UBE2D3: variants seen among roughly 807,000 people sequenced by gnomAD.
UBE2D3 encodes the protein ubiquitin conjugating enzyme E2 D3, also known as ubiquitin-conjugating enzyme E2 D3.
In UBE2D3, 2 loss-of-function variants were observed where a neutral mutation model predicts 22.8. The observed-to-expected ratio is 0.09, with a 90% CI of 0.04 to 0.28. UBE2D3 has a LOEUF of 0.28. Ranked by LOEUF, UBE2D3 falls within the 10% of genes least tolerant of loss-of-function variation. The probability of loss-of-function intolerance (pLI) is 1.00; values close to 1 mark genes in which losing one functional copy is unlikely to be tolerated. For missense variants in UBE2D3, 27 were observed against 182.5 expected (o/e 0.15, Z 4.91); for synonymous variants, 56 against 60.4 (o/e 0.93, Z 0.34).
At chr4:102,852,581 A>G (rs1732415207) in intron 1 of UBE2D3, among the ~76,000 whole-genome samples, 1 of 152,210 alleles carries the variant, frequency 6.6e-6, no homozygotes, top group South Asian at 2.1e-4. Context: ...AACTCATACA[A>G]CTTGAATTCA....
intron 1 of UBE2D3, among the ~76,000 whole-genome samples, chr4:102,842,475 G>A (rs1455484161): frequency 6.6e-6 from 1 of 151,824 alleles, no homozygotes; most frequent in Admixed American, 6.6e-5. Context: ...AGAATCAATT[G>A]AGGCCAGGAG....
intron 1 of UBE2D3, among the ~76,000 whole-genome samples, chr4:102,867,563 A>G (rs1733202793): frequency 1.3e-5 from 2 of 152,190 alleles, no homozygotes; most frequent in African/African-American, 4.8e-5. Context: ...TTACCCTTCA[A>G]ATCTTTTAGA....
upstream of UBE2D3, among the ~76,000 whole-genome samples, chr4:102,829,525 C>T (rs1244749454): frequency 6.6e-6 from 1 of 152,192 alleles, no homozygotes; most frequent in Admixed American, 6.5e-5. Context: ...TGTCCTTTCT[C>T]ACAGGGTGAT....
intron 1 of UBE2D3, among the ~76,000 whole-genome samples, chr4:102,848,460 C>T (rs976192521): frequency 2.0e-5 from 3 of 152,126 alleles, no homozygotes; most frequent in Non-Finnish European, 4.4e-5. Flanking sequence ...GCCTCGCCAA[C>T]GTGGTGAAAC....
intron 6 of UBE2D3, among the ~76,000 whole-genome samples, chr4:102,799,832 TGG>T (rs36031423): frequency 0.018 from 2,171 of 117,726 alleles, 91 homozygotes; most frequent in African/African-American, 0.058. Context: ...ACTCAGTGGC[TGG>T]GGGGGGGGGG....
chr4:102,825,161 A>G (rs1302831842), intron 2 of UBE2D3: 1 of 844,774 alleles, frequency 1.2e-6, no homozygotes, highest in African/African-American at 1.8e-5. Context: ...CTATTTTAGT[A>G]AAGGCAAATT....
upstream of UBE2D3, among the ~76,000 whole-genome samples, chr4:102,832,474 G>C (rs937756437): frequency 3.3e-5 from 5 of 152,122 alleles, no homozygotes; most frequent in Non-Finnish European, 5.9e-5. Flanking sequence ...ATGGCAAAAA[G>C]GTAACTGTGA....
At chr4:102,810,818 C>T (rs1293525242) in intron 2 of UBE2D3, 1 of 151,914 alleles carries the variant, frequency 6.6e-6, no homozygotes, top group African/African-American at 2.4e-5. Flanking sequence ...ACAGCTCCAT[C>T]TTACCAATGA....
At chr4:102,827,126 T>C in intron 1 of UBE2D3, 1 of 986,570 alleles carries the variant, frequency 1.0e-6, no homozygotes, top group Non-Finnish European at 1.2e-6. Context: ...CTATTCTGTG[T>C]CACCCCTGAC....
intron 1 of UBE2D3, chr4:102,843,757 T>G (rs940235759): frequency 4.6e-5 from 7 of 152,228 alleles, no homozygotes; most frequent in African/African-American, 1.7e-4. Context: ...TGCTGCCTAC[T>G]TCTGCTCTTC....
intron 1 of UBE2D3, among the ~76,000 whole-genome samples, chr4:102,855,981 C>T (rs991644364): frequency 2.6e-5 from 4 of 152,114 alleles, no homozygotes; most frequent in Non-Finnish European, 4.4e-5. Flanking sequence ...CACAAAGATG[C>T]AGGGTTGCGG....
chr4:102,861,021 A>G (rs1179751978), intron 1 of UBE2D3, among the ~76,000 whole-genome samples: 1 of 151,908 alleles, frequency 6.6e-6, no homozygotes, highest in Non-Finnish European at 1.5e-5. Flanking sequence ...ATATTCCTAG[A>G]CTATTCATCT....
chr4:102,826,553 C>CA lies in UBE2D3; in HGVS notation c.-46dup, dbSNP rs1395260522. The CA allele has an allele frequency of 1.9e-6, 3 of 1,610,944 alleles. No homozygotes were observed. In the African/African-American group the frequency reaches 4.0e-5, roughly 22 times the overall value. On this transcript the variant is annotated 5_prime_UTR_variant, in exon 2 of 8. Coordinates refer to ENST00000453744, the MANE Select transcript of UBE2D3 (RefSeq NM_181891.3). ...GCTCCTCACTCTCTCGGTGTATGCT[C>CA]AAAGGTCCGGCCAAAACTCTTGATT...
intron 1 of UBE2D3, among the ~76,000 whole-genome samples, chr4:102,834,762 GA>G (rs1731299791): frequency 6.7e-6 from 1 of 150,348 alleles, no homozygotes; most frequent in African/African-American, 2.4e-5. Context: ...AAAAAAAAAA[GA>G]TTCAACTTTT....
At chr4:102,837,727 G>A (rs1281639626) in intron 1 of UBE2D3, among the ~76,000 whole-genome samples, 1 of 152,138 alleles carries the variant, frequency 6.6e-6, no homozygotes, top group Non-Finnish European at 1.5e-5. Context: ...CAAGGCGGGC[G>A]GATCACGAGG....
At chr4:102,839,577 T>C (rs1400895555) in intron 1 of UBE2D3, among the ~76,000 whole-genome samples, 1 of 152,202 alleles carries the variant, frequency 6.6e-6, no homozygotes, top group Non-Finnish European at 1.5e-5. Flanking sequence ...CGGCCTCATA[T>C]GATTTTGAAT....
At chr4:102,811,623 G>C in intron 2 of UBE2D3, 1 of 313,924 alleles carries the variant, frequency 3.2e-6, no homozygotes, top group South Asian at 2.5e-5. Context: ...AGAGGCTGCA[G>C]ATCGCGCCAC....
chr4:102,863,022 G>A (rs919404846), intron 1 of UBE2D3, among the ~76,000 whole-genome samples: 1 of 151,850 alleles, frequency 6.6e-6, no homozygotes, highest in Non-Finnish European at 1.5e-5. Flanking sequence ...AGGGGTATGG[G>A]TATGCCCAGG....
intron 4 of UBE2D3, among the ~76,000 whole-genome samples, chr4:102,804,904 C>T (rs1245677690): frequency 6.6e-6 from 1 of 152,050 alleles, no homozygotes; most frequent in South Asian, 2.1e-4. Context: ...AGGCTGGTCT[C>T]AAACTGCTGA....
Sources: allele counts gnomAD v4.1 joint callset (sites outside exome capture counted in the v4.1 genomes callset), GRCh38; gene constraint gnomAD v4.1.1; transcripts MANE v1.5; gene names NCBI Gene and HGNC (gene_info 2026-07-23, HGNC 2026-07-21).